ATP9A: variants seen among roughly 807,000 people sequenced by gnomAD.
ATP9A encodes ATPase phospholipid transporting 9A, also known as probable phospholipid-transporting ATPase IIA.
In ATP9A, 52 loss-of-function variants were observed where a neutral mutation model predicts 144.1. The ratio of observed to expected loss-of-function variants is 0.36; its 90% confidence interval spans 0.29 to 0.45. The LOEUF is 0.45. Ranked by LOEUF, ATP9A falls within the 20% of genes least tolerant of loss-of-function variation. The pLI, the probability that ATP9A is intolerant of heterozygous loss-of-function variation, is 1.00. For synonymous variants in ATP9A, 582 were observed against 557.4 expected (o/e 1.04, Z -0.62); for missense variants, 947 against 1,392.7 (o/e 0.68, Z 5.09).
rs774175504 is a variant in ATP9A, at chr20:51,713,089, G to A, written c.328-15C>T. The A allele has an allele frequency of 1.7e-5, 27 of 1,597,456 alleles. No homozygotes were observed. The highest frequency in any genetic ancestry group is 4.5e-5 in the South Asian group (4 of 88,926). On this transcript the variant is annotated splice_polypyrimidine_tract_variant and intron_variant, in intron 3 of 27. Coordinates refer to ENST00000338821, the MANE Select transcript of ATP9A (RefSeq NM_006045.3). ...AGCACGAAGCCCTGCAGAGACAGAC[G>A]ACAGTGAGTCTTGCTACAGGCAGTG...
intron 13 of ATP9A, among the ~76,000 whole-genome samples, chr20:51,663,547 C>G (rs2077419822): frequency 6.6e-6 from 1 of 152,140 alleles, no homozygotes; most frequent in Non-Finnish European, 1.5e-5. Context: ...GTAATCCCAG[C>G]ACTTTGGGAG....
At chr20:51,737,170 T>A (rs1022503036) in intron 1 of ATP9A, among the ~76,000 whole-genome samples, 1 of 152,196 alleles carries the variant, frequency 6.6e-6, no homozygotes, top group African/African-American at 2.4e-5. Context: ...GCTCTCTGCA[T>A]CCTGCACTAC....
chr20:51,737,980 G>A (rs886591980), intron 1 of ATP9A, among the ~76,000 whole-genome samples: 15 of 151,870 alleles, frequency 9.9e-5, no homozygotes, highest in Non-Finnish European at 1.6e-4. Flanking sequence ...CTTGAGCCCA[G>A]GATTTCGAAT....
rs1568783027 is a variant in ATP9A at position 51,608,737 on chromosome 20, C to T, written c.2637-111G>A. 3 of 725,368 alleles carry T rather than the reference C, an allele frequency of 4.1e-6. No homozygotes were observed. In the East Asian group the frequency reaches 7.9e-5, roughly 19 times the overall value. 44.9% of individuals were successfully genotyped at this position (725,368 alleles called of 1,614,324 possible). ...CCATGCCTCTAACAAATATTTACTG[C>T]TTGTCTATTATGCTCCGGGGCTGGC... is the stretch of plus-strand genomic sequence containing the variant. On this transcript the variant is annotated intron_variant, in intron 24 of 27. Coordinates refer to ENST00000338821, the MANE Select transcript of ATP9A (RefSeq NM_006045.3).
intron 1 of ATP9A, among the ~76,000 whole-genome samples, chr20:51,768,084 C>T (rs2077913249): frequency 6.6e-6 from 1 of 152,050 alleles, no homozygotes. Flanking sequence ...GCCCAGGCAA[C>T]CGGGCGCTCG....
At position 51,601,151 on chromosome 20, in the gene ATP9A, C is replaced by T; in HGVS notation, c.*60G>A. The T allele has an allele frequency of 6.6e-7, 1 of 1,515,100 alleles. No homozygotes were observed. The highest frequency in any genetic ancestry group is 8.8e-7 in the Non-Finnish European group (1 of 1,130,690). The allele number at this position is 1,515,100 out of a possible 1,614,324, so 93.9% of individuals were successfully genotyped here. A position where few individuals can be genotyped will look rare whatever the true frequency, so the allele number is the denominator to read the frequency against. ...CAGGTGGCGGTTAATATAAATGGAACTTGAGCTCTGTCCATCAGGGAAGCG... is the reference window on the plus strand; with the variant it reads ...CAGGTGGCGGTTAATATAAATGGAATTTGAGCTCTGTCCATCAGGGAAGCG... On this transcript the variant is annotated 3_prime_UTR_variant, in exon 28 of 28. Transcript: ENST00000338821.
At chr20:51,663,796 A>G (rs1044725515) in intron 13 of ATP9A, among the ~76,000 whole-genome samples, 23 of 32,282 alleles carry the variant, frequency 7.1e-4, no homozygotes, top group Admixed American at 6.9e-3. Flanking sequence ...TCCGTCTCAG[A>G]AAAAAAAAAA....
intron 1 of ATP9A, among the ~76,000 whole-genome samples, chr20:51,760,655 G>A (rs1445577038): frequency 2.0e-5 from 3 of 151,698 alleles, no homozygotes; most frequent in African/African-American, 7.3e-5. Flanking sequence ...TGAACTGGGA[G>A]GTGGAGGTTG....
At position 51,755,607 on chromosome 20, in the gene ATP9A, A is replaced by T. The variant is rs118152759; in HGVS notation, c.68+12695T>A. 2.9e-3 allele frequency among the ~76,000 whole-genome samples: 436 copies of T among 152,306 alleles called. 1 individual carries two copies. Among genetic ancestry groups the T allele is most frequent in the Non-Finnish European group, 5.1e-3 (344 of 68,028 alleles). On this transcript the variant is annotated intron_variant, in intron 1 of 27. Coordinates refer to ENST00000338821, the MANE Select transcript of ATP9A (RefSeq NM_006045.3). ...AAAATTATCATTTTCTTCTAAAGCTAAACACAAATATACCCTAGGGCCCAG... is the reference window on the plus strand; with the variant it reads ...AAAATTATCATTTTCTTCTAAAGCTTAACACAAATATACCCTAGGGCCCAG...
Position 51,723,357 on chromosome 20 carries a change from T to C in ATP9A, c.327+2462A>G, listed in dbSNP as rs138443411. ...TCTCACAAATCACCACTAAAGAACT[T>C]ACTCATGTAACAACATACCACCTGT... On this transcript the variant is annotated intron_variant, in intron 3 of 27. Coordinates refer to ENST00000338821, the MANE Select transcript of ATP9A (RefSeq NM_006045.3). Among the ~76,000 whole-genome samples, 62 of 151,594 alleles carry C rather than the reference T, an allele frequency of 4.1e-4. 2 individuals are homozygous for C. In the East Asian group the frequency reaches 6.6e-3, roughly 16 times the overall value.
chr20:51,681,699 G>A (rs2122802686), intron 9 of ATP9A, among the ~76,000 whole-genome samples: 1 of 152,244 alleles, frequency 6.6e-6, no homozygotes, highest in South Asian at 2.1e-4. Context: ...TGGGATTACA[G>A]GCGTGAGCCA....
chr20:51,629,136 C>T (rs1200349996), intron 15 of ATP9A, 64 bp from the exon 16 acceptor site: 18 of 1,342,568 alleles, frequency 1.3e-5, no homozygotes, highest in Admixed American at 5.1e-5. Flanking sequence ...CGGCAAAGCC[C>T]GCTTCCCATG....
At chr20:51,682,444 C>T (rs2077503856) in intron 9 of ATP9A, among the ~76,000 whole-genome samples, 1 of 152,008 alleles carries the variant, frequency 6.6e-6, no homozygotes, top group African/African-American at 2.4e-5. Flanking sequence ...CTGCCTATGC[C>T]AGATGCAACG....
Position 51,676,962 on chromosome 20 carries a change from C to T in ATP9A, c.800-754G>A, listed in dbSNP as rs1001794460. 3.6e-5 allele frequency among the ~76,000 whole-genome samples: 4 copies of T among 110,962 alleles called. No individual in the cohort carries two copies. In the East Asian group the frequency reaches 1.2e-3, roughly 35 times the overall value. The allele number at this position is 110,962 out of a possible 152,430, so 72.8% of individuals were successfully genotyped here. A position where few individuals can be genotyped will look rare whatever the true frequency, so the allele number is the denominator to read the frequency against. On this transcript the variant is annotated intron_variant, in intron 9 of 27. Transcript: ENST00000338821. ...TTTTTTTTTGAGAGAGGGTCTTACT[C>T]TGTTGCCCAGGCTAGAGTGCAGTGG...
chr20:51,677,144 G>A (rs144060137), intron 9 of ATP9A, among the ~76,000 whole-genome samples: 5 of 151,388 alleles, frequency 3.3e-5, no homozygotes, highest in Non-Finnish European at 7.4e-5. Flanking sequence ...ATGTTGCCCA[G>A]GCTGGTCTTG....
intron 14 of ATP9A, among the ~76,000 whole-genome samples, chr20:51,648,253 C>T (rs74756187): frequency 0.035 from 5,291 of 152,218 alleles, 116 homozygotes; most frequent in Non-Finnish European, 0.053. Context: ...ACCTCGTAGC[C>T]GCAGAAGGAC....
At position 51,628,935 on chromosome 20, in the gene ATP9A, G is replaced by C. The variant is rs760715610; in HGVS notation, c.1761+45C>G. 25 of 1,540,948 alleles carry C rather than the reference G, an allele frequency of 1.6e-5. No homozygotes were observed. The South Asian group carries it at 2.7e-4, about 17-fold the overall frequency. On this transcript the variant is annotated intron_variant, in intron 16 of 27. Coordinates refer to ENST00000338821, the MANE Select transcript of ATP9A (RefSeq NM_006045.3). ...TACCATGCAAGGGGCTGCCTCTGCA[G>C]AACATGCTTCCAAGGCCTGGTTTAA...
intron 4 of ATP9A, among the ~76,000 whole-genome samples, chr20:51,702,996 T>TTGTTGTTG (rs2077600758): frequency 6.7e-6 from 1 of 149,374 alleles, no homozygotes; most frequent in Admixed American, 6.6e-5. Flanking sequence ...GGTTTTTTTG[T>TTGTTGTTG]TGTTGTTTTG....
At chr20:51,751,244 G>A (rs2077830264) in intron 1 of ATP9A, among the ~76,000 whole-genome samples, 2 of 144,052 alleles carry the variant, frequency 1.4e-5, no homozygotes, top group South Asian at 2.3e-4. Flanking sequence ...ATTTTTTAAC[G>A]TTTCTGGGTT....
Sources: gnomAD v4.1 joint callset for allele counts (sites outside exome capture counted in the v4.1 genomes callset) on GRCh38, gnomAD v4.1.1 for gene constraint, MANE v1.5 for transcripts, NCBI Gene and HGNC (gene_info 2026-07-23, HGNC 2026-07-21) for gene names.